DCLK1: variants seen among roughly 807,000 people sequenced by gnomAD.
The protein encoded by DCLK1 is serine/threonine-protein kinase DCLK1.
DCLK1 carries 16 observed loss-of-function variants against 86.2 expected under a neutral mutation model. That is an observed-to-expected ratio of 0.19 (90% CI 0.13 to 0.28). DCLK1 has a LOEUF of 0.28. DCLK1 is among the 10% of genes least tolerant of loss of function. The pLI is 1.00. For missense variants in DCLK1, 590 were observed against 940.2 expected, an observed-to-expected ratio of 0.63 and a Z score of 4.87; for synonymous variants, 369 against 370.5, an observed-to-expected ratio of 1.00 and a Z score of 0.05.
chr13:35,911,935 C>G (rs931475584), intron 4 of DCLK1, among the ~76,000 whole-genome samples: 3 of 152,148 alleles, frequency 2.0e-5, no homozygotes, highest in Non-Finnish European at 1.5e-5. Flanking sequence ...ACCCTTGGCC[C>G]TTCCATCATA....
Position 36,054,075 on chromosome 13 carries a change from G to A in DCLK1, c.723+57794C>T, listed in dbSNP as rs12100320. On this transcript the variant is annotated intron_variant, in intron 3 of 16. Transcript: ENST00000360631. ...TTAGATTATCTTTGCAAATTTGTGG[G>A]TCGAGCAAACAGCCTTGGAAGATAG... 5.9e-3 allele frequency among the ~76,000 whole-genome samples: 901 copies of A among 152,264 alleles called. 9 individuals are homozygous for A. Among genetic ancestry groups the A allele is most frequent in the African/African-American group, 0.02 (851 of 41,538 alleles).
At chr13:36,017,958 G>A (rs1333355269) in intron 3 of DCLK1, among the ~76,000 whole-genome samples, 1 of 152,140 alleles carries the variant, frequency 6.6e-6, no homozygotes, top group Non-Finnish European at 1.5e-5. Context: ...AAGCACATGA[G>A]GTCAGTTCTA....
rs1343189 is a variant in DCLK1 at position 35,953,197 on chromosome 13, T to G, written c.724-5740A>C. ...CAAACTCTATTTGACAATAATTTAT[T>G]GGTATTAGTATCCCCATTTTACAGA... On this transcript the variant is annotated intron_variant, in intron 3 of 16. Transcript: ENST00000360631. Among the ~76,000 whole-genome samples, 1,458 of 152,092 alleles carry G rather than the reference T, an allele frequency of 9.6e-3. 15 individuals carry two copies. The highest frequency in any genetic ancestry group is 0.017 in the Non-Finnish European group (1,128 of 67,994).
intron 4 of DCLK1, among the ~76,000 whole-genome samples, chr13:35,894,321 T>C (rs7320159): frequency 0.17 from 25,733 of 152,094 alleles, 2,802 homozygotes; most frequent in African/African-American, 0.31. Flanking sequence ...AAGGAATTTA[T>C]CCAGGGGCAC....
intron 3 of DCLK1, among the ~76,000 whole-genome samples, chr13:35,981,792 T>G (rs1879655965): frequency 6.6e-6 from 1 of 152,268 alleles, no homozygotes; most frequent in Admixed American, 6.5e-5. Flanking sequence ...CTTTCAATTC[T>G]TTTGGGTATA....
chr13:35,826,558 A>AGGAGGGAGG (rs1161121038), intron 10 of DCLK1, among the ~76,000 whole-genome samples: 2 of 27,270 alleles, frequency 7.3e-5, no homozygotes, highest in Admixed American at 5.1e-4. Flanking sequence ...AAAGAAAGAA[A>AGGAGGGAGG]GAAACAAGTC....
At chr13:35,870,410 T>C (rs1872183477) in intron 5 of DCLK1, among the ~76,000 whole-genome samples, 1 of 152,142 alleles carries the variant, frequency 6.6e-6, no homozygotes, top group Admixed American at 6.5e-5. Context: ...ACACTCCCCC[T>C]AGCCCATGCT....
At chr13:35,899,366 TGTGAGA>T (rs768259221) in intron 4 of DCLK1, among the ~76,000 whole-genome samples, 3,937 of 88,422 alleles carry the variant, frequency 0.045, 76 homozygotes, top group Admixed American at 0.088. Flanking sequence ...TGTGTGTGTG[TGTGAGA>T]GAGAGAGAGA....
chr13:36,013,122 C>T (rs1881356988), intron 3 of DCLK1, among the ~76,000 whole-genome samples: 1 of 118,270 alleles, frequency 8.5e-6, no homozygotes, highest in Non-Finnish European at 1.8e-5. Flanking sequence ...TCTAGTTATA[C>T]ATTCTTCTAA....
intron 3 of DCLK1, among the ~76,000 whole-genome samples, chr13:35,966,308 A>G (rs1593775714): frequency 6.6e-6 from 1 of 152,344 alleles, no homozygotes; most frequent in African/African-American, 2.4e-5. Context: ...AAGAACTGAA[A>G]GCAATATCTT....
At chr13:35,815,493 C>T (rs2087246739) in intron 11 of DCLK1, among the ~76,000 whole-genome samples, 1 of 152,064 alleles carries the variant, frequency 6.6e-6, no homozygotes. Flanking sequence ...TTAGTAACCA[C>T]TGAAAACTAT....
intron 3 of DCLK1, among the ~76,000 whole-genome samples, chr13:35,973,684 G>A (rs1193157549): frequency 2.6e-5 from 4 of 152,168 alleles, no homozygotes; most frequent in Non-Finnish European, 5.9e-5. Context: ...TCCTTCAAAA[G>A]CTCCAATGAG....
chr13:35,931,529 C>T (rs529131263), intron 4 of DCLK1, among the ~76,000 whole-genome samples: 1 of 152,186 alleles, frequency 6.6e-6, no homozygotes, highest in South Asian at 2.1e-4. Context: ...AAGTTTGTTG[C>T]CTCTATCAAA....
intron 3 of DCLK1, among the ~76,000 whole-genome samples, chr13:35,965,548 G>T (rs1055151363): frequency 4.6e-5 from 7 of 152,176 alleles, no homozygotes; most frequent in African/African-American, 1.4e-4. Context: ...TTTACCAGTT[G>T]CTGTGCAAAG....
intron 5 of DCLK1, among the ~76,000 whole-genome samples, chr13:35,859,500 T>C (rs896050969): frequency 8.5e-5 from 13 of 152,232 alleles, no homozygotes; most frequent in African/African-American, 2.9e-4. Context: ...AGCTGACTTC[T>C]ATCCCTCCCG....
chr13:35,963,656 G>A (rs1033754283), intron 3 of DCLK1, among the ~76,000 whole-genome samples: 4 of 152,134 alleles, frequency 2.6e-5, no homozygotes, highest in Non-Finnish European at 5.9e-5. Context: ...TAATCTTCAG[G>A]TGTTTAGGAA....
At chr13:36,031,984 G>T (rs1243584233) in intron 3 of DCLK1, among the ~76,000 whole-genome samples, 1 of 152,192 alleles carries the variant, frequency 6.6e-6, no homozygotes, top group African/African-American at 2.4e-5. Flanking sequence ...GAAGGGGACA[G>T]GTCTGTGGGG....
At chr13:35,932,423 T>G (rs1214020987) in intron 4 of DCLK1, among the ~76,000 whole-genome samples, 1 of 152,188 alleles carries the variant, frequency 6.6e-6, no homozygotes, top group East Asian at 1.9e-4. Context: ...TATTTCTGTG[T>G]GTGTATGTGT....
intron 3 of DCLK1, among the ~76,000 whole-genome samples, chr13:36,048,110 ACAT>A (rs1473206610): frequency 5.9e-5 from 9 of 152,336 alleles, no homozygotes; most frequent in Admixed American, 3.9e-4. Flanking sequence ...ATATATTAAA[ACAT>A]CATGTTGTAT....
Sources: allele counts gnomAD v4.1 joint callset (sites outside exome capture counted in the v4.1 genomes callset), GRCh38; gene constraint gnomAD v4.1.1; transcripts MANE v1.5; gene names NCBI Gene and HGNC (gene_info 2026-07-23, HGNC 2026-07-21).